Variants in ZFYVE9 observed in about 807,000 individuals in gnomAD.
ZFYVE9 encodes the protein zinc finger FYVE-type containing 9.
ZFYVE9 carries 43 observed loss-of-function variants against 126.7 expected under a neutral mutation model. That is an observed-to-expected ratio of 0.34 (90% CI 0.27 to 0.44). The LOEUF (loss-of-function observed/expected upper bound fraction) is 0.44. Among genes scored for constraint, ZFYVE9 ranks in the 20% least tolerant of loss-of-function variants. ZFYVE9 has a pLI of 1.00. For missense variants in ZFYVE9, 1,476 were observed against 1,697.0 expected, an observed-to-expected ratio of 0.87 and a Z score of 2.29; for synonymous variants, 521 against 597.4, an observed-to-expected ratio of 0.87 and a Z score of 1.87.
chr1:52,341,818 T>C (rs978421856), intron 17 of ZFYVE9, among the ~76,000 whole-genome samples: 1 of 152,238 alleles, frequency 6.6e-6, no homozygotes, highest in Non-Finnish European at 1.5e-5. Context: ...GGCTCCATGA[T>C]TTCATATGCA....
intron 1 of ZFYVE9, among the ~76,000 whole-genome samples, chr1:52,155,887 A>G (rs12036709): frequency 0.054 from 8,196 of 152,248 alleles, 606 homozygotes; most frequent in African/African-American, 0.16. Flanking sequence ...TGTTGGCATG[A>G]TTGCGACCAC....
intron 13 of ZFYVE9, among the ~76,000 whole-genome samples, chr1:52,307,703 A>G (rs200472546): frequency 2.0e-5 from 3 of 150,986 alleles, no homozygotes; most frequent in African/African-American, 4.9e-5. Context: ...TGGATTATGT[A>G]TCAGGTCTTT....
Position 52,239,122 on chromosome 1 carries a change from C to T in ZFYVE9, c.1705C>T (p.Leu569=). 2 of 1,614,102 alleles carry T rather than the reference C, an allele frequency of 1.2e-6. No individual in the cohort carries two copies. Among genetic ancestry groups the T allele is most frequent in the South Asian group, 1.1e-5 (1 of 91,080 alleles). Reference sequence around the variant, plus strand: ...ATCTTCCCCCAAGGTAGTAGCAAGCCTGCCATCTATCAGTGTTCCTTTTGG... The same window carrying T: ...ATCTTCCCCCAAGGTAGTAGCAAGCTTGCCATCTATCAGTGTTCCTTTTGG... ...GQSSPKVVAS[L]PSISVPFGGA... The change falls in exon 4 of 19, where the codon CTG becomes TTG. Residue 569 remains leucine, a synonymous_variant. Coordinates refer to ENST00000287727, the MANE Select transcript of ZFYVE9 (RefSeq NM_004799.4).
intron 13 of ZFYVE9, among the ~76,000 whole-genome samples, chr1:52,314,836 C>T (rs554344453): frequency 2.0e-5 from 3 of 151,766 alleles, no homozygotes; most frequent in South Asian, 2.1e-4. Flanking sequence ...AAGCAAAAAC[C>T]GCCAGGCGCG....
intron 1 of ZFYVE9, among the ~76,000 whole-genome samples, chr1:52,215,648 T>A (rs1220165930): frequency 5.3e-5 from 8 of 152,216 alleles, no homozygotes; most frequent in Admixed American, 3.3e-4. Flanking sequence ...TTATTCTGAT[T>A]AGCTTCAACT....
At chr1:52,343,401 G>A (rs563026274) in intron 17 of ZFYVE9, among the ~76,000 whole-genome samples, 5 of 151,956 alleles carry the variant, frequency 3.3e-5, no homozygotes, top group South Asian at 2.1e-4. Context: ...AGCCGAGATC[G>A]TGCCATTGCA....
chr1:52,345,466 TC>T (rs1646475139), intron 18 of ZFYVE9, among the ~76,000 whole-genome samples: 1 of 152,216 alleles, frequency 6.6e-6, no homozygotes, highest in Admixed American at 6.6e-5. Context: ...TGGCCCCAGT[TC>T]CTGACTAGTC....
intron 1 of ZFYVE9, chr1:52,160,142 C>G (rs1042891450): frequency 1.6e-6 from 1 of 617,152 alleles, no homozygotes; most frequent in African/African-American, 1.9e-5. Context: ...ACACATAACA[C>G]TATTCTCTGG....
intron 1 of ZFYVE9, chr1:52,179,924 A>C (rs1452712368): frequency 1.9e-6 from 2 of 1,042,958 alleles, no homozygotes; most frequent in Non-Finnish European, 3.0e-6. Context: ...AAGAATTGGA[A>C]GAGGAGGCAG....
rs558699948 is a variant in ZFYVE9, at chr1:52,214,436, G to GAAATA, written c.-142-1917_-142-1913dup. 2.8e-4 allele frequency among the ~76,000 whole-genome samples: 42 copies of GAAATA among 152,000 alleles called. No homozygotes were observed. In the South Asian group the frequency reaches 7.5e-3, roughly 27 times the overall value. On this transcript the variant is annotated intron_variant, in intron 1 of 18. Transcript: ENST00000287727. ...AGTGAGACTCCATCTCAAAAATAATGAAATAAAATAAAATAAAATAGTAAA... is the reference window on the plus strand; with the variant it reads ...AGTGAGACTCCATCTCAAAAATAATGAAATAAAATAAAATAAAATAAAATAGTAAA...
chr1:52,198,120 G>GTTTTTTT lies in ZFYVE9; in HGVS notation c.-142-18246_-142-18245insTTTTTTT, dbSNP rs373096573. On this transcript the variant is annotated intron_variant, in intron 1 of 18. Coordinates refer to ENST00000287727, the MANE Select transcript of ZFYVE9 (RefSeq NM_004799.4). ...AAATAATATTGTAGTGTTTTTTTTTGTTTGTTTTTTTTTTTTTTTGAGATG... is the reference window on the plus strand; with the variant it reads ...AAATAATATTGTAGTGTTTTTTTTTGTTTTTTTTTTGTTTTTTTTTTTTTTTGAGATG... Among the ~76,000 whole-genome samples, 51 of 111,084 alleles carry GTTTTTTT rather than the reference G, an allele frequency of 4.6e-4. 6 individuals are homozygous for GTTTTTTT. The highest frequency in any genetic ancestry group is 6.7e-4 in the Admixed American group (6 of 8,900). 72.9% of individuals were successfully genotyped at this position (111,084 alleles called of 152,430 possible). A position where few individuals can be genotyped will look rare whatever the true frequency, so the allele number is the denominator to read the frequency against.
At chr1:52,331,310 A>G (rs1238037649) in intron 13 of ZFYVE9, among the ~76,000 whole-genome samples, 1 of 152,116 alleles carries the variant, frequency 6.6e-6, no homozygotes, top group Non-Finnish European at 1.5e-5. Flanking sequence ...GGAAATAAAA[A>G]CAAATTATCA....
chr1:52,145,759 A>G (rs1644300307), intron 1 of ZFYVE9, among the ~76,000 whole-genome samples: 1 of 151,794 alleles, frequency 6.6e-6, no homozygotes, highest in South Asian at 2.1e-4. Flanking sequence ...TGGTTGCTTT[A>G]TTTTTTTTAG....
intron 4 of ZFYVE9, among the ~76,000 whole-genome samples, chr1:52,255,703 G>T (rs944443129): frequency 1.3e-5 from 2 of 151,898 alleles, no homozygotes; most frequent in African/African-American, 4.8e-5. Context: ...GACTAGCTTG[G>T]GCAACGTGGC....
At chr1:52,310,727 A>G (rs988040602) in intron 13 of ZFYVE9, among the ~76,000 whole-genome samples, 1 of 152,200 alleles carries the variant, frequency 6.6e-6, no homozygotes, top group Admixed American at 6.5e-5. Context: ...AAGTGATTGT[A>G]TGTGGTTCTA....
intron 17 of ZFYVE9, among the ~76,000 whole-genome samples, chr1:52,342,432 A>AT (rs1006621798): frequency 1.5e-4 from 22 of 144,748 alleles, no homozygotes; most frequent in Admixed American, 6.9e-4. Context: ...CGCCCGACTA[A>AT]TTTTTTTTTT....
At chr1:52,203,822 C>T (rs1019869369) in intron 1 of ZFYVE9, among the ~76,000 whole-genome samples, 1 of 151,928 alleles carries the variant, frequency 6.6e-6, no homozygotes, top group Non-Finnish European at 1.5e-5. Flanking sequence ...GAGATTCTTT[C>T]CTCAGTCATG....
chr1:52,196,250 T>G (rs79922742), intron 1 of ZFYVE9, among the ~76,000 whole-genome samples: 11,263 of 152,288 alleles, frequency 0.074, 526 homozygotes, highest in African/African-American at 0.13. Flanking sequence ...ATATTTAGAA[T>G]GTGCTAAATG....
At chr1:52,176,697 T>C (rs368734434) in intron 1 of ZFYVE9, among the ~76,000 whole-genome samples, 3 of 152,158 alleles carry the variant, frequency 2.0e-5, no homozygotes, top group Admixed American at 1.3e-4. Context: ...TGGGCAATGG[T>C]GGGCGCCCCT....
Sources: gnomAD v4.1 joint callset for allele counts (sites outside exome capture counted in the v4.1 genomes callset) on GRCh38, gnomAD v4.1.1 for gene constraint, MANE v1.5 for transcripts, NCBI Gene and HGNC (gene_info 2026-07-23, HGNC 2026-07-21) for gene names.